Variants in SGIP1 observed in about 807,000 individuals in gnomAD.
SGIP1 encodes SH3GL interacting endocytic adaptor 1.
Under a neutral mutation model 107.5 loss-of-function variants are expected in SGIP1, and 38 were observed. The ratio of observed to expected loss-of-function variants is 0.35; its 90% CI spans 0.27 to 0.46. The LOEUF is 0.46. Among genes scored for constraint, SGIP1 ranks in the 20% least tolerant of loss-of-function variants. The pLI is 1.00. For missense variants in SGIP1, 929 were observed against 1,019.5 expected (o/e 0.91, Z 1.21); for synonymous variants, 365 against 366.1 (o/e 1.00, Z 0.03).
At chr1:66,689,641 T>C (rs945288303) in intron 16 of SGIP1, among the ~76,000 whole-genome samples, 15 of 152,180 alleles carry the variant, frequency 9.9e-5, no homozygotes, top group African/African-American at 3.6e-4. Context: ...AGATGACATA[T>C]TGATTGTAGG....
intron 5 of SGIP1, 143 bp from the exon 6 acceptor site, chr1:66,642,667 C>T (rs2076992605): frequency 1.2e-5 from 7 of 593,214 alleles, no homozygotes; most frequent in Middle Eastern, 4.1e-4. Flanking sequence ...ACATATTGCT[C>T]AGAATTCACT....
chr1:66,667,363 G>A (rs1460304134), intron 8 of SGIP1, among the ~76,000 whole-genome samples, 167 bp from the exon 9 acceptor site: 1 of 152,150 alleles, frequency 6.6e-6, no homozygotes, highest in Non-Finnish European at 1.5e-5. Flanking sequence ...GCCTCCTATG[G>A]TTTAAATAAG....
intron 1 of SGIP1, among the ~76,000 whole-genome samples, chr1:66,543,184 A>T (rs2055427928): frequency 6.6e-6 from 1 of 151,456 alleles, no homozygotes; most frequent in African/African-American, 2.4e-5. Flanking sequence ...GAGCGTCATG[A>T]TGTGATGTCA....
At chr1:66,705,150 G>A (rs1030131645) in intron 18 of SGIP1, among the ~76,000 whole-genome samples, 2 of 152,138 alleles carry the variant, frequency 1.3e-5, no homozygotes, top group African/African-American at 2.4e-5. Context: ...AGCGTGGACT[G>A]TCAGCAGACA....
intron 2 of SGIP1, among the ~76,000 whole-genome samples, chr1:66,627,465 C>T (rs551738088): frequency 4.9e-4 from 75 of 152,194 alleles, no homozygotes; most frequent in African/African-American, 1.8e-3. Flanking sequence ...ATAGGAAGGG[C>T]CTTAAGTACC....
intron 1 of SGIP1, among the ~76,000 whole-genome samples, chr1:66,594,348 A>C (rs2064208443): frequency 6.6e-6 from 1 of 152,218 alleles, no homozygotes; most frequent in Non-Finnish European, 1.5e-5. Context: ...ATTGTTATTA[A>C]CATTAACTTA....
At chr1:66,733,928 T>C (rs2150639203) in intron 21 of SGIP1, 48 bp downstream of exon 21, 1 of 1,573,284 alleles carries the variant, frequency 6.4e-7, no homozygotes, top group African/African-American at 1.4e-5. Flanking sequence ...ACATATTTGT[T>C]TTCTAAAGTA....
intron 8 of SGIP1, chr1:66,665,975 A>AT (rs200886210): frequency 0.13 from 20,343 of 152,154 alleles, 1,410 homozygotes; most frequent in African/African-American, 0.16. Context: ...CTTCAGTTTA[A>AT]TTAGATCCCA....
rs890488258 is a variant in SGIP1, at chr1:66,747,113, A to G, written c.*4018A>G. On this transcript the variant is annotated 3_prime_UTR_variant, in exon 25 of 25. Coordinates refer to ENST00000371037, the MANE Select transcript of SGIP1 (RefSeq NM_032291.4). ...CAGATATACCACCTTTTGTGGCATT[A>G]TAAGGAAACATGTATAATCAAGTTC... 4.6e-5 allele frequency: 7 copies of G among 152,092 alleles called. No homozygotes were observed. The South Asian group carries it at 1.0e-3, about 22-fold the overall frequency. The allele number at this position is 152,092 out of a possible 1,614,324, so 9.4% of individuals were successfully genotyped here.
intron 1 of SGIP1, among the ~76,000 whole-genome samples, chr1:66,563,677 A>C (rs1462223345): frequency 6.6e-6 from 1 of 151,990 alleles, no homozygotes; most frequent in Admixed American, 6.6e-5. Flanking sequence ...AGCAGTGCTA[A>C]AGGGGAGAAA....
intron 11 of SGIP1, 127 bp from the exon 12 acceptor site, chr1:66,673,154 T>G (rs1429171609): frequency 3.4e-6 from 3 of 872,782 alleles, no homozygotes; most frequent in Admixed American, 3.8e-5. Flanking sequence ...TGTATACACA[T>G]GCATGCATGC....
chr1:66,665,901 T>A (rs1313678127), intron 8 of SGIP1: 1 of 152,190 alleles, frequency 6.6e-6, no homozygotes, highest in South Asian at 2.1e-4. Context: ...ACTACAAAAA[T>A]TTTCTCCCAT....
At chr1:66,602,467 C>T (rs929575180) in intron 1 of SGIP1, among the ~76,000 whole-genome samples, 2 of 152,100 alleles carry the variant, frequency 1.3e-5, no homozygotes, top group Admixed American at 1.3e-4. Flanking sequence ...ACCCCGGGAA[C>T]TTCTTCTAGA....
At chr1:66,677,130 A>G in intron 13 of SGIP1, 34 bp downstream of exon 13, 4 of 1,557,342 alleles carry the variant, frequency 2.6e-6, no homozygotes. Flanking sequence ...TGGAAAAATA[A>G]GTGACTCATT....
rs1243457904 is a variant in SGIP1 at position 66,558,811 on chromosome 1, AC to A, written c.10+24445del. On this transcript the variant is annotated intron_variant, in intron 1 of 24. Coordinates refer to ENST00000371037, the MANE Select transcript of SGIP1 (RefSeq NM_032291.4). Reference sequence around the variant, plus strand: ...TCTCTTTTTTTAGGAAAAAAAAAAAACCTTCTACAGCATCCATTTTATTAGA... The same window carrying A: ...TCTCTTTTTTTAGGAAAAAAAAAAAACTTCTACAGCATCCATTTTATTAGA... Among the ~76,000 whole-genome samples, 14 of 151,286 alleles carry A rather than the reference AC, an allele frequency of 9.3e-5. No individual in the cohort carries two copies. In the East Asian group the frequency reaches 2.0e-3, roughly 21 times the overall value.
chr1:66,589,377 T>C (rs562321054), intron 1 of SGIP1, among the ~76,000 whole-genome samples: 1 of 151,154 alleles, frequency 6.6e-6, no homozygotes, highest in African/African-American at 2.4e-5. Flanking sequence ...AAAAAGAAAT[T>C]CTGTTCTTAA....
At chr1:66,737,633 A>C (rs2094312223) in intron 21 of SGIP1, among the ~76,000 whole-genome samples, 2 of 152,224 alleles carry the variant, frequency 1.3e-5, no homozygotes, top group Non-Finnish European at 2.9e-5. Context: ...CCAGAACTTC[A>C]GTTTCCTCAT....
At chr1:66,742,865 T>A (rs561328013) in intron 24 of SGIP1, among the ~76,000 whole-genome samples, 2 of 152,256 alleles carry the variant, frequency 1.3e-5, no homozygotes, top group Admixed American at 1.3e-4. Flanking sequence ...AAATTGTTGA[T>A]CTATGGAAAT....
intron 8 of SGIP1, 22 bp from the exon 9 acceptor site, chr1:66,667,508 T>G: frequency 6.2e-7 from 1 of 1,612,520 alleles, no homozygotes; most frequent in Non-Finnish European, 8.5e-7. Context: ...GTCTGTTCTC[T>G]CTTCCTTTTT....
Sources: gnomAD v4.1 joint callset for allele counts (sites outside exome capture counted in the v4.1 genomes callset) on GRCh38, gnomAD v4.1.1 for gene constraint, MANE v1.5 for transcripts, NCBI Gene and HGNC (gene_info 2026-07-23, HGNC 2026-07-21) for gene names.